Variants in PPP2R2D observed in about 807,000 individuals in gnomAD.
The protein encoded by PPP2R2D is serine/threonine-protein phosphatase 2A 55 kDa regulatory subunit B delta isoform.
In PPP2R2D, 9 loss-of-function variants were observed where a neutral mutation model predicts 31.1. The observed-to-expected ratio is 0.29, with a 90% confidence interval of 0.17 to 0.51. PPP2R2D has a LOEUF of 0.51. Among genes scored for constraint, PPP2R2D ranks in the 20% least tolerant of loss-of-function variants. The probability of loss-of-function intolerance (pLI) is 0.98; values close to 1 mark genes in which losing one functional copy is unlikely to be tolerated. For synonymous variants in PPP2R2D, 179 were observed against 172.6 expected (o/e 1.04, Z -0.29); for missense variants, 391 against 465.6 (o/e 0.84, Z 1.48).
At chr10:131,946,415 C>T (rs1271092105) in intron 7 of PPP2R2D, among the ~76,000 whole-genome samples, 5 of 152,136 alleles carry the variant, frequency 3.3e-5, no homozygotes, top group African/African-American at 1.2e-4. Context: ...TCCCACCAGA[C>T]TGAGCCGCTG....
chr10:131,934,908 C>T (rs1317441522), intron 3 of PPP2R2D: 4 of 458,946 alleles, frequency 8.7e-6, no homozygotes, highest in Admixed American at 7.0e-5. Flanking sequence ...TGGCCCAGCC[C>T]CGCCGTCCTG....
At chr10:131,952,447 T>C (rs1363912118) in intron 8 of PPP2R2D, among the ~76,000 whole-genome samples, 11 of 68,348 alleles carry the variant, frequency 1.6e-4, no homozygotes, top group East Asian at 5.6e-4. Context: ...CAGTGACTTG[T>C]GGGTGTGCGG....
chr10:131,964,312 C>T (rs1554901887), downstream of PPP2R2D, among the ~76,000 whole-genome samples: 1 of 152,056 alleles, frequency 6.6e-6, no homozygotes, highest in Non-Finnish European at 1.5e-5. Flanking sequence ...TGGTATTTGC[C>T]TAATGGTGAC....
At position 131,940,213 on chromosome 10, in the gene PPP2R2D, A is replaced by G. The variant is rs1331027932; in HGVS notation, c.364+17A>G. On this transcript the variant is annotated intron_variant, in intron 4 of 8. Transcript: ENST00000455566. The stretch of plus-strand genomic sequence containing the variant: ...CTACAAATGGTAAGAATTGTGTTCT[A>G]AGTGGCTGTTTGATTTAGTTTTTTA... 1 of 671,722 alleles carries G rather than the reference A, an allele frequency of 1.5e-6. No individual in the cohort carries two copies. The highest frequency in any genetic ancestry group is 2.7e-6 in the Non-Finnish European group (1 of 365,312). The allele number at this position is 671,722 out of a possible 1,614,324, so 41.6% of individuals were successfully genotyped here.
At position 131,912,543 on chromosome 10, in the gene PPP2R2D, C is replaced by T. The variant is rs1310679108; in HGVS notation, c.100+11213C>T. The T allele has an allele frequency of 2.0e-5, 3 of 152,356 alleles. No homozygotes were observed. The East Asian group carries it at 5.8e-4, about 29-fold the overall frequency. The allele number at this position is 152,356 out of a possible 1,614,324, so 9.4% of individuals were successfully genotyped here. A position where few individuals can be genotyped will look rare whatever the true frequency, so the allele number is the denominator to read the frequency against. The stretch of plus-strand genomic sequence containing the variant: ...ATTGGAGATCTTACAGGGAACTGGG[C>T]TTTCTGCTCAGCCATACTCGAGCTC... On this transcript the variant is annotated intron_variant, in intron 2 of 8. Coordinates refer to ENST00000455566, the MANE Select transcript of PPP2R2D (RefSeq NM_018461.5).
At chr10:131,921,460 A>G (rs1332426702) in intron 2 of PPP2R2D, among the ~76,000 whole-genome samples, 4 of 152,134 alleles carry the variant, frequency 2.6e-5, no homozygotes, top group African/African-American at 4.8e-5. Flanking sequence ...TTGAGCTCAG[A>G]TGCAAATGAG....
chr10:131,956,537 T>C lies in PPP2R2D; in HGVS notation c.*574T>C. On this transcript the variant is annotated 3_prime_UTR_variant, in exon 9 of 9. Coordinates refer to ENST00000455566, the MANE Select transcript of PPP2R2D (RefSeq NM_018461.5). ...AATAAAAACAACACACTATAAAGTG[T>C]TTTTAAATCCAAACAGAAGTATTGT... 1.0e-6 allele frequency: 1 copy of C among 985,422 alleles called. No individual in the cohort carries two copies. Among genetic ancestry groups the C allele is most frequent in the South Asian group, 4.7e-5 (1 of 21,268 alleles). The allele number at this position is 985,422 out of a possible 1,614,324, so 61.0% of individuals were successfully genotyped here.
chr10:131,952,175 CA>C (rs1321806392), intron 8 of PPP2R2D, among the ~76,000 whole-genome samples: 9 of 63,686 alleles, frequency 1.4e-4, no homozygotes, highest in Admixed American at 2.9e-4. Flanking sequence ...TGCGGGTGTG[CA>C]GGGGGTTTCA....
intron 2 of PPP2R2D, among the ~76,000 whole-genome samples, chr10:131,932,667 A>AAAAAAAAAAAC (rs1564817986): frequency 7.5e-6 from 1 of 133,154 alleles, no homozygotes; most frequent in African/African-American, 3.4e-5. Context: ...AAAAAAAAAA[A>AAAAAAAAAAAC]ACACACAAAA....
intron 2 of PPP2R2D, among the ~76,000 whole-genome samples, chr10:131,902,944 AT>A (rs2035524703): frequency 6.6e-6 from 1 of 151,744 alleles, no homozygotes; most frequent in African/African-American, 2.4e-5. Flanking sequence ...GTTGTAGGGG[AT>A]TTCGCCATGT....
At chr10:131,952,833 G>GGT (rs2120000995) in intron 8 of PPP2R2D, among the ~76,000 whole-genome samples, 1 of 72,414 alleles carries the variant, frequency 1.4e-5, no homozygotes, top group Non-Finnish European at 2.6e-5. Context: ...TGTGTGTGGG[G>GGT]TTCACTGTCT....
intron 2 of PPP2R2D, among the ~76,000 whole-genome samples, chr10:131,915,956 TAC>T (rs2035771040): frequency 1.3e-5 from 2 of 152,222 alleles, no homozygotes; most frequent in African/African-American, 4.8e-5. Context: ...TCAATTTGCT[TAC>T]TGTTCATTAA....
At chr10:131,906,715 A>G (rs1214683972) in intron 2 of PPP2R2D, among the ~76,000 whole-genome samples, 2 of 151,144 alleles carry the variant, frequency 1.3e-5, no homozygotes, top group Non-Finnish European at 2.9e-5. Flanking sequence ...GAGCCCAGCA[A>G]TTTGAGACCA....
chr10:131,913,498 T>C (rs898702253), intron 2 of PPP2R2D, among the ~76,000 whole-genome samples: 32 of 152,186 alleles, frequency 2.1e-4, no homozygotes, highest in Admixed American at 4.6e-4. Context: ...GTTGCTACTC[T>C]GGAAATGAAG....
At chr10:131,970,599 G>A in the PPP2R2D span, 43 of 1,605,190 alleles carry the variant, frequency 2.7e-5, no homozygotes, top group Middle Eastern at 2.0e-4. This position sits in a 1 kb window ranked among gnomAD's most constrained non-coding sequence, Gnocchi z 4.1. Flanking sequence ...ATCGCCCCAC[G>A]ACATGCCATG....
intron 2 of PPP2R2D, among the ~76,000 whole-genome samples, chr10:131,920,509 C>T (rs2035964592): frequency 6.6e-6 from 1 of 152,262 alleles, no homozygotes; most frequent in South Asian, 2.1e-4. Flanking sequence ...GCATATTTCA[C>T]TACACATGAT....
chr10:131,945,367 A>G lies in PPP2R2D; in HGVS notation c.728A>G (p.His243Arg), dbSNP rs782163458. The G allele has an allele frequency of 1.2e-6, 2 of 1,614,188 alleles. No homozygotes were observed. The highest frequency in any genetic ancestry group is 2.2e-5 in the South Asian group (2 of 91,080). The change falls in exon 7 of 9, where the codon CAC (histidine) becomes CGC (arginine). Residue 243 changes from histidine to arginine, a missense_variant. This residue lies in a region of PPP2R2D where 123 missense variants were observed against 187.7 expected (regional missense o/e 0.66). Coordinates refer to ENST00000455566, the MANE Select transcript of PPP2R2D (RefSeq NM_018461.5). The surrounding 1 kb of genome is among the most constrained non-coding windows in gnomAD (Gnocchi z 4.8). The part of the protein sequence containing the change: ...EVITAAEFHP[H>R]QCNVFVYSSS... ...ATCACTGCAGCCGAGTTCCACCCGC[A>G]CCAGTGCAACGTGTTCGTCTACAGC... is the stretch of plus-strand genomic sequence containing the variant.
chr10:131,927,793 T>G (rs1279431028), intron 2 of PPP2R2D, among the ~76,000 whole-genome samples: 1 of 152,230 alleles, frequency 6.6e-6, no homozygotes, highest in Non-Finnish European at 1.5e-5. Flanking sequence ...GTCATTTGTT[T>G]TCATTGCTGT....
chr10:131,934,641 C>T, intron 3 of PPP2R2D, 86 bp downstream of exon 3: 1 of 717,002 alleles, frequency 1.4e-6, no homozygotes, highest in Non-Finnish European at 2.6e-6. Flanking sequence ...ATTATTTTCT[C>T]ATTGTCTCAT....
Sources: allele counts gnomAD v4.1 joint callset (sites outside exome capture counted in the v4.1 genomes callset), GRCh38; gene constraint gnomAD v4.1.1; regional missense constraint gnomAD v4.1.1; non-coding constraint Gnocchi (gnomAD v3.1); transcripts MANE v1.5; gene names NCBI Gene and HGNC (gene_info 2026-07-23, HGNC 2026-07-21).